Variants in TENM3 observed in about 807,000 individuals in gnomAD.
The protein encoded by TENM3 is teneurin-3.
Under a neutral mutation model 255.1 loss-of-function variants are expected in TENM3, and 63 were observed. The ratio of observed to expected loss-of-function variants is 0.25; its 90% CI spans 0.20 to 0.30. TENM3 has a LOEUF of 0.30. Ranked by LOEUF, TENM3 falls within the 10% of genes least tolerant of loss-of-function variation. The probability of loss-of-function intolerance (pLI) is 1.00; values close to 1 mark genes in which losing one functional copy is unlikely to be tolerated. For synonymous variants in TENM3, 1,306 were observed against 1,322.3 expected, an observed-to-expected ratio of 0.99 and a Z score of 0.27; for missense variants, 2,929 against 3,461.1, an observed-to-expected ratio of 0.85 and a Z score of 3.86.
At chr4:182,695,561 G>A (rs1439058409) in intron 12 of TENM3, among the ~76,000 whole-genome samples, 1 of 152,050 alleles carries the variant, frequency 6.6e-6, no homozygotes, top group East Asian at 1.9e-4. Flanking sequence ...TTCTCTCTGT[G>A]GCTGTTACTG....
the TENM3 span, among the ~76,000 whole-genome samples, chr4:181,493,027 A>C: frequency 3.3e-5 from 5 of 152,128 alleles, no homozygotes; most frequent in African/African-American, 1.2e-4. Flanking sequence ...TGAGAAAAAA[A>C]AAAAATTTGG....
chr4:182,228,946 T>C (rs1756377328), intron 1 of TENM3, among the ~76,000 whole-genome samples: 1 of 152,194 alleles, frequency 6.6e-6, no homozygotes, highest in Non-Finnish European at 1.5e-5. Flanking sequence ...AGTCCTACTG[T>C]CATGGGGCAT....
chr4:181,637,012 A>AT, the TENM3 span, among the ~76,000 whole-genome samples: 1 of 152,044 alleles, frequency 6.6e-6, no homozygotes, highest in Non-Finnish European at 1.5e-5. Context: ...CACACTGCAC[A>AT]TTCGGTTTCC....
chr4:181,572,640 A>G, the TENM3 span, among the ~76,000 whole-genome samples: 1 of 152,188 alleles, frequency 6.6e-6, no homozygotes, highest in East Asian at 1.9e-4. Context: ...TTTATGGGGT[A>G]CATGAAATAC....
chr4:182,079,059 G>C, the TENM3 span, among the ~76,000 whole-genome samples: 1 of 152,172 alleles, frequency 6.6e-6, no homozygotes, highest in Non-Finnish European at 1.5e-5. Context: ...ATGGGAAAGA[G>C]GTTGATAGAG....
At chr4:182,241,715 G>C (rs1241518492), upstream of TENM3, among the ~76,000 whole-genome samples, 1 of 151,378 alleles carries the variant, frequency 6.6e-6, no homozygotes, top group Non-Finnish European at 1.5e-5. Context: ...TCCCATGTTG[G>C]TCAGGCTGGT....
At chr4:182,049,827 A>C in the TENM3 span, among the ~76,000 whole-genome samples, 24,950 of 152,084 alleles carry the variant, frequency 0.16, 2,286 homozygotes, top group African/African-American at 0.24. Context: ...TCTCTTGGGG[A>C]GTATCACGTA....
chr4:182,347,797 A>G (rs1764923320), intron 3 of TENM3, among the ~76,000 whole-genome samples: 1 of 152,208 alleles, frequency 6.6e-6, no homozygotes, highest in Non-Finnish European at 1.5e-5. Flanking sequence ...CGCTTTTAAT[A>G]TTAACAGTGC....
chr4:182,448,333 T>G (rs1773104734), intron 3 of TENM3, among the ~76,000 whole-genome samples: 1 of 152,242 alleles, frequency 6.6e-6, no homozygotes, highest in African/African-American at 2.4e-5. Context: ...ACCCCTTCGC[T>G]GCGGACGCCC....
intron 1 of TENM3, among the ~76,000 whole-genome samples, chr4:182,202,937 C>T (rs1380264931): frequency 2.0e-5 from 3 of 151,864 alleles, no homozygotes; most frequent in South Asian, 2.1e-4. Flanking sequence ...GGGCTCAGGC[C>T]GGGTGCGGTG....
chr4:181,470,990 T>TC, the TENM3 span, among the ~76,000 whole-genome samples: 1 of 151,920 alleles, frequency 6.6e-6, no homozygotes, highest in Non-Finnish European at 1.5e-5. Flanking sequence ...GTGGTGTTTT[T>TC]TTCTTAAGAA....
chr4:181,832,328 C>T, the TENM3 span, among the ~76,000 whole-genome samples: 1 of 152,072 alleles, frequency 6.6e-6, no homozygotes, highest in Non-Finnish European at 1.5e-5. Context: ...CTGACTTCAG[C>T]GTGTGTTAAT....
the TENM3 span, among the ~76,000 whole-genome samples, chr4:181,991,492 C>T: frequency 3.9e-5 from 6 of 152,056 alleles, no homozygotes; most frequent in Non-Finnish European, 5.9e-5. Context: ...GGTATGGAAC[C>T]TGTCGCTGTT....
chr4:182,767,181 C>T (rs1561222774), intron 22 of TENM3, among the ~76,000 whole-genome samples: 1 of 152,210 alleles, frequency 6.6e-6, no homozygotes, highest in African/African-American at 2.4e-5. Context: ...TGTTAAAATA[C>T]ATAAACCATA....
At chr4:182,786,555 TTAAAAAA>T (rs1765672167) in intron 24 of TENM3, among the ~76,000 whole-genome samples, 1 of 75,004 alleles carries the variant, frequency 1.3e-5, no homozygotes, top group Non-Finnish European at 2.4e-5. Context: ...AGACCCCGTC[TTAAAAAA>T]AAAAAAAAAA....
chr4:181,758,606 C>A, the TENM3 span, among the ~76,000 whole-genome samples: 9 of 152,118 alleles, frequency 5.9e-5, no homozygotes, highest in Non-Finnish European at 1.2e-4. Flanking sequence ...GATAATTGCA[C>A]CTTACGGAAC....
intron 2 of TENM3, among the ~76,000 whole-genome samples, chr4:182,343,079 C>T (rs556988558): frequency 4.5e-4 from 68 of 152,116 alleles, no homozygotes; most frequent in Non-Finnish European, 7.6e-4. Context: ...TTTTTTAAAA[C>T]GTGAACCTAA....
the TENM3 span, among the ~76,000 whole-genome samples, chr4:181,726,578 CTG>C: frequency 6.6e-6 from 1 of 152,294 alleles, no homozygotes; most frequent in East Asian, 1.9e-4. Context: ...AAAAAACTAA[CTG>C]TTTTTCCTCT....
At chr4:181,564,482 C>T in the TENM3 span, among the ~76,000 whole-genome samples, 1 of 152,124 alleles carries the variant, frequency 6.6e-6, no homozygotes, top group Non-Finnish European at 1.5e-5. Flanking sequence ...AGGACCTAAG[C>T]TCTTAAACGC....
Sources: gnomAD v4.1 joint callset for allele counts (sites outside exome capture counted in the v4.1 genomes callset) on GRCh38, gnomAD v4.1.1 for gene constraint, MANE v1.5 for transcripts, NCBI Gene and HGNC (gene_info 2026-07-23, HGNC 2026-07-21) for gene names.